The following ELFN2 variants were observed in gnomAD, a reference collection of about 807,000 sequenced individuals.
ELFN2 encodes extracellular leucine rich repeat and fibronectin type III domain containing 2, also known as protein phosphatase 1 regulatory subunit 29.
In ELFN2, 17 loss-of-function variants were observed where a neutral mutation model predicts 45.5. The ratio of observed to expected loss-of-function variants is 0.37; its 90% CI spans 0.26 to 0.56. The LOEUF (loss-of-function observed/expected upper bound fraction) is 0.56, where lower values mean the gene tolerates loss of function less well. Ranked by LOEUF, ELFN2 falls within the 20% of genes least tolerant of loss-of-function variation. The probability of loss-of-function intolerance (pLI) is 0.77; values close to 1 mark genes in which losing one functional copy is unlikely to be tolerated. For synonymous variants in ELFN2, 550 were observed against 551.5 expected, an observed-to-expected ratio of 1.00 and a Z score of 0.04; for missense variants, 922 against 1,183.2, an observed-to-expected ratio of 0.78 and a Z score of 3.24.
At chr22:37,396,466 C>T (rs1293663479) in intron 2 of ELFN2, among the ~76,000 whole-genome samples, 1 of 152,188 alleles carries the variant, frequency 6.6e-6, no homozygotes, top group African/African-American at 2.4e-5. Flanking sequence ...GTGCCAGGAT[C>T]CCCCAGCGGG....
At chr22:37,389,896 C>T (rs1008545878) in intron 2 of ELFN2, among the ~76,000 whole-genome samples, 1 of 152,178 alleles carries the variant, frequency 6.6e-6, no homozygotes, top group Non-Finnish European at 1.5e-5. Flanking sequence ...GGCCAGTCGT[C>T]TCTGCTCTGT....
At position 37,375,400 on chromosome 22, in the gene ELFN2, G is replaced by A. The variant is rs768726348; in HGVS notation, c.135C>T (p.Pro45=). The part of the protein sequence containing the change: ...WLAICSQNQP[P]YETIPQHINS... ...TGATGTGCTGCGGGATGGTCTCGTAGGGCGGCTGGTTCTGGCTGCAGATGG... is the reference window on the plus strand; with the variant it reads ...TGATGTGCTGCGGGATGGTCTCGTAAGGCGGCTGGTTCTGGCTGCAGATGG... Residue 45 remains proline (P), a synonymous_variant, in exon 3 of 3, where the codon CCC becomes CCT. Coordinates refer to ENST00000402918, the MANE Select transcript of ELFN2 (RefSeq NM_052906.5). 5.6e-6 allele frequency: 9 copies of A among 1,614,048 alleles called. No homozygotes were observed. Among genetic ancestry groups the A allele is most frequent in the African/African-American group, 1.3e-5 (1 of 74,930 alleles).
Position 37,374,737 on chromosome 22 carries a change from C to G in ELFN2, c.798G>C (p.Gln266His). 1 of 1,611,592 alleles carries G rather than the reference C, an allele frequency of 6.2e-7. No homozygotes were observed. Among genetic ancestry groups the G allele is most frequent in the Non-Finnish European group, 8.5e-7 (1 of 1,179,014 alleles). The change falls in exon 3 of 3, where the codon CAG becomes CAC. Residue 266 changes from glutamine to histidine, a missense_variant. Physicochemically the swap from Gln to His is conservative, Grantham distance 24. Coordinates refer to ENST00000402918, the MANE Select transcript of ELFN2 (RefSeq NM_052906.5). ...SHPTPYSTDAQREPDENSGFN... is the reference protein window; with the variant it reads ...SHPTPYSTDAHREPDENSGFN... ...AGCCCGAGTTCTCGTCTGGCTCCCT[C>G]TGGGCGTCGGTGGAGTAGGGCGTGG...
Position 37,345,759 on chromosome 22 carries a change from G to A in ELFN2, n.149-3056C>T, listed in dbSNP as rs182645773. ...GACAGGGTTTCACGATATTGGCCAG[G>A]ATGGTCTTGATCTCCTGACCTCATG... On this transcript the variant is annotated intron_variant and non_coding_transcript_variant, in intron 1 of 2. Coordinates refer to ENST00000452946, the Ensembl canonical transcript of ELFN2. Among the ~76,000 whole-genome samples the A allele has an allele frequency of 3.7e-4, 57 of 152,224 alleles. 1 individual carries two copies. The highest frequency in any genetic ancestry group is 3.5e-3 in the Admixed American group (53 of 15,286).
chr22:37,411,000 C>T (rs1472828002), intron 2 of ELFN2, among the ~76,000 whole-genome samples: 1 of 152,198 alleles, frequency 6.6e-6, no homozygotes, highest in Non-Finnish European at 1.5e-5. Flanking sequence ...TGCCTCCCTG[C>T]TCCGACCACC....
At position 37,349,620 on chromosome 22, in the gene ELFN2, C is replaced by A. The variant is rs75472930; in HGVS notation, n.149-6917G>T. Among the ~76,000 whole-genome samples the A allele has an allele frequency of 9.6e-4, 145 of 151,122 alleles. 1 individual carries two copies. Among genetic ancestry groups the A allele is most frequent in the Middle Eastern group, 3.4e-3 (1 of 294 alleles). On this transcript the variant is annotated intron_variant and non_coding_transcript_variant, in intron 1 of 2. Coordinates refer to ENST00000452946, the Ensembl canonical transcript of ELFN2. ...CCAGCCCCTTCCTCCTCCTGCCCTG[C>A]CCTTCAGAGAAGGCACTGGGTGGTG...
chr22:37,426,356 G>GCGCACA (rs1304277871), intron 1 of ELFN2, among the ~76,000 whole-genome samples: 97 of 143,672 alleles, frequency 6.8e-4, no homozygotes, highest in Middle Eastern at 3.7e-3. Flanking sequence ...GCGCGCGCGC[G>GCGCACA]CACACACACA....
At chr22:37,343,056 G>A (rs1353936895) in intron 1 of ELFN2, among the ~76,000 whole-genome samples, 2 of 152,162 alleles carry the variant, frequency 1.3e-5, no homozygotes, top group South Asian at 4.1e-4. Flanking sequence ...AAGGAATATG[G>A]CAGATGGTCT....
intron 1 of ELFN2, among the ~76,000 whole-genome samples, chr22:37,345,341 T>C (rs1930670789): frequency 6.6e-6 from 1 of 152,226 alleles, no homozygotes; most frequent in Non-Finnish European, 1.5e-5. Flanking sequence ...GGACCCAGGA[T>C]GATCTGGGTT....
At chr22:37,380,807 T>C (rs1931738156) in intron 2 of ELFN2, among the ~76,000 whole-genome samples, 1 of 152,116 alleles carries the variant, frequency 6.6e-6, no homozygotes, top group Non-Finnish European at 1.5e-5. Context: ...GGACAAAGCC[T>C]GCCACCCCCC....
chr22:37,383,592 C>A (rs573476857), intron 2 of ELFN2, among the ~76,000 whole-genome samples: 2 of 152,358 alleles, frequency 1.3e-5, no homozygotes, highest in Non-Finnish European at 2.9e-5. Flanking sequence ...GGGACCGGGC[C>A]CAGGCTAGGG....
At chr22:37,349,503 G>A (rs1461285831) in intron 1 of ELFN2, among the ~76,000 whole-genome samples, 1 of 151,182 alleles carries the variant, frequency 6.6e-6, no homozygotes, top group Non-Finnish European at 1.5e-5. Context: ...CCCTCCTACA[G>A]CCACACACTC....
downstream of ELFN2, among the ~76,000 whole-genome samples, chr22:37,367,201 G>C (rs948787010): frequency 1.3e-5 from 2 of 152,230 alleles, no homozygotes; most frequent in Non-Finnish European, 2.9e-5. Flanking sequence ...AAGGAGGCTG[G>C]GGCTAGCAGG....
intron 1 of ELFN2, among the ~76,000 whole-genome samples, chr22:37,419,935 C>G (rs958562740): frequency 2.0e-5 from 3 of 152,166 alleles, no homozygotes; most frequent in Non-Finnish European, 2.9e-5. Context: ...CCGCCCCTGC[C>G]GGTCGCTTTC....
At chr22:37,382,288 G>C (rs1048834352) in intron 2 of ELFN2, among the ~76,000 whole-genome samples, 4 of 101,412 alleles carry the variant, frequency 3.9e-5, no homozygotes, top group Admixed American at 1.3e-4. Flanking sequence ...AAAGCTACTG[G>C]TTCTCCTTTT....
At position 37,373,734 on chromosome 22, in the gene ELFN2, A is replaced by G; in HGVS notation, c.1801T>C (p.Phe601Leu). ...TGPGALERPS[F>L]LSPPYKESSH... ...CTCTCCTTGTAGGGAGGCGAAAGGA[A>G]GCTGGGCCGCTCCAGGGCCCCGGGG... Residue 601 changes from phenylalanine (F) to leucine (L), a missense_variant, in exon 3 of 3, where the codon TTC becomes CTC. Phe to Leu is a conservative substitution (Grantham distance 22). This residue lies in a region of ELFN2 where 564 missense variants were observed against 642.8 expected (regional missense o/e 0.88). Transcript: ENST00000402918. The G allele has an allele frequency of 6.4e-7, 1 of 1,561,652 alleles. No homozygotes were observed. The highest frequency in any genetic ancestry group is 8.6e-7 in the Non-Finnish European group (1 of 1,161,366).
chr22:37,414,279 G>A (rs1040083655), intron 2 of ELFN2, among the ~76,000 whole-genome samples: 1 of 152,190 alleles, frequency 6.6e-6, no homozygotes, highest in Non-Finnish European at 1.5e-5. Flanking sequence ...AGAAACCAGA[G>A]GGAGGAGGCC....
intron 2 of ELFN2, among the ~76,000 whole-genome samples, chr22:37,378,487 G>A (rs1338235254): frequency 6.6e-6 from 1 of 152,228 alleles, no homozygotes; most frequent in African/African-American, 2.4e-5. Context: ...AGGGGCATGG[G>A]AGAAGAGGCC....
intron 2 of ELFN2, among the ~76,000 whole-genome samples, chr22:37,411,348 T>C (rs1035797584): frequency 3.9e-5 from 6 of 152,096 alleles, no homozygotes; most frequent in Admixed American, 2.6e-4. Context: ...GCCACCACCA[T>C]TGGGGCACCT....
Sources: gnomAD v4.1 joint callset for allele counts (sites outside exome capture counted in the v4.1 genomes callset) on GRCh38, gnomAD v4.1.1 for gene constraint, gnomAD v4.1.1 regional missense constraint, MANE v1.5 for transcripts, NCBI Gene and HGNC (gene_info 2026-07-23, HGNC 2026-07-21) for gene names.